Variants in ERBB4 observed in about 807,000 individuals in gnomAD.
ERBB4 encodes erb-b2 receptor tyrosine kinase 4.
ERBB4 carries 42 observed loss-of-function variants against 158.0 expected under a neutral mutation model. The observed-to-expected ratio is 0.27, with a 90% CI of 0.21 to 0.34. The LOEUF (loss-of-function observed/expected upper bound fraction) is 0.34, where lower values mean the gene tolerates loss of function less well. ERBB4 is among the 10% of genes least tolerant of loss of function. The pLI is 1.00. For missense variants in ERBB4, 1,333 were observed against 1,624.1 expected (o/e 0.82, Z 3.08); for synonymous variants, 583 against 558.7 (o/e 1.04, Z -0.61).
At chr2:212,521,845 A>T (rs1692188341) in intron 1 of ERBB4, among the ~76,000 whole-genome samples, 1 of 151,962 alleles carries the variant, frequency 6.6e-6, no homozygotes, top group Non-Finnish European at 1.5e-5. Context: ...ACTTCGCATG[A>T]TCAATTCCAA....
At chr2:211,612,144 TAAAG>T (rs2069224017) in intron 19 of ERBB4, among the ~76,000 whole-genome samples, 1 of 151,936 alleles carries the variant, frequency 6.6e-6, no homozygotes, top group Non-Finnish European at 1.5e-5. Flanking sequence ...ATATGCTAAA[TAAAG>T]ATAGAACAAT....
At chr2:211,477,963 G>T (rs910104792) in intron 20 of ERBB4, among the ~76,000 whole-genome samples, 1 of 152,076 alleles carries the variant, frequency 6.6e-6, no homozygotes, top group Non-Finnish European at 1.5e-5. Context: ...CACCATTGGT[G>T]GCTTAAAAGT....
rs543297824 is a variant in ERBB4, at chr2:212,482,934, T to C, written c.82+55515A>G. On this transcript the variant is annotated intron_variant, in intron 1 of 27. Coordinates refer to ENST00000342788, the MANE Select transcript of ERBB4 (RefSeq NM_005235.3). ...ACTGTGCCCACTCCCTTGTTATTTT[T>C]TGACAACTTAAAAATTTGATTAGGA... Among the ~76,000 whole-genome samples, 46 of 152,308 alleles carry C rather than the reference T, an allele frequency of 3.0e-4. 1 individual carries two copies. In the South Asian group the frequency reaches 8.9e-3, roughly 30 times the overall value.
At chr2:211,786,071 T>C (rs953180449) in intron 4 of ERBB4, among the ~76,000 whole-genome samples, 1 of 152,140 alleles carries the variant, frequency 6.6e-6, no homozygotes, top group Non-Finnish European at 1.5e-5. Context: ...ATAATAAATA[T>C]GTAAAATCAA....
Position 211,812,636 on chromosome 2 carries a change from C to T in ERBB4, c.422-24477G>A, listed in dbSNP as rs560430426. Among the ~76,000 whole-genome samples the T allele has an allele frequency of 4.1e-4, 62 of 152,358 alleles. 1 individual carries two copies. Among genetic ancestry groups the T allele is most frequent in the African/African-American group, 1.4e-3 (59 of 41,592 alleles). On this transcript the variant is annotated intron_variant, in intron 3 of 27. Transcript: ENST00000342788. ...CTGCTGCCTTTTGTCCAGCTATGCC[C>T]TGCCCCCAGAGGTGGAGTCATACAG... is the stretch of plus-strand genomic sequence containing the variant.
At chr2:212,219,955 CAA>C (rs11387376) in intron 1 of ERBB4, among the ~76,000 whole-genome samples, 10 of 138,772 alleles carry the variant, frequency 7.2e-5, no homozygotes, top group Middle Eastern at 3.7e-3. Context: ...TATCAACCCG[CAA>C]AAAAAAAAAA....
chr2:211,888,618 T>C (rs1215795122), intron 3 of ERBB4, among the ~76,000 whole-genome samples: 2 of 152,190 alleles, frequency 1.3e-5, no homozygotes, highest in East Asian at 1.9e-4. Context: ...GGGTGATTTC[T>C]GCATTTCCAT....
intron 3 of ERBB4, among the ~76,000 whole-genome samples, chr2:211,803,242 T>G (rs941729165): frequency 6.6e-6 from 1 of 152,162 alleles, no homozygotes; most frequent in African/African-American, 2.4e-5. Flanking sequence ...CCAAGCAACA[T>G]TATTATTCAT....
At chr2:212,422,341 C>T (rs1046399858) in intron 1 of ERBB4, among the ~76,000 whole-genome samples, 2 of 152,034 alleles carry the variant, frequency 1.3e-5, no homozygotes, top group Non-Finnish European at 2.9e-5. Context: ...CCTGTCTCTA[C>T]TAAAAATACA....
chr2:211,610,461 A>G (rs1038264488), intron 19 of ERBB4, among the ~76,000 whole-genome samples: 11 of 152,006 alleles, frequency 7.2e-5, no homozygotes, highest in African/African-American at 2.4e-4. Context: ...TGGAAATTCT[A>G]TTTTCTGGTG....
chr2:211,431,166 A>G (rs2125431157), intron 20 of ERBB4, 66 bp from the exon 21 acceptor site: 1 of 1,471,158 alleles, frequency 6.8e-7, no homozygotes, highest in Non-Finnish European at 9.4e-7. Flanking sequence ...TTTCTAAAAC[A>G]AAGTTTCTTA....
At chr2:211,629,746 A>G (rs1359523798) in intron 17 of ERBB4, among the ~76,000 whole-genome samples, 1 of 151,972 alleles carries the variant, frequency 6.6e-6, no homozygotes, top group Non-Finnish European at 1.5e-5. Flanking sequence ...AATGCCGCCT[A>G]TCTACAACTA....
intron 2 of ERBB4, among the ~76,000 whole-genome samples, chr2:212,028,631 A>G (rs1365038919): frequency 6.6e-6 from 1 of 152,116 alleles, no homozygotes; most frequent in Non-Finnish European, 1.5e-5. Context: ...CACGCAGGCA[A>G]AACATTAATC....
At chr2:211,859,144 A>G (rs2077950839) in intron 3 of ERBB4, among the ~76,000 whole-genome samples, 1 of 152,234 alleles carries the variant, frequency 6.6e-6, no homozygotes. Context: ...CTTCCCAGAC[A>G]TATTACTAAA....
intron 20 of ERBB4, among the ~76,000 whole-genome samples, chr2:211,484,755 A>G (rs575321109): frequency 3.9e-5 from 6 of 152,338 alleles, no homozygotes; most frequent in African/African-American, 1.4e-4. Context: ...ATGTAATTAT[A>G]GTTGGAGATT....
chr2:211,948,642 A>T (rs1187516738), intron 2 of ERBB4, among the ~76,000 whole-genome samples: 1 of 152,012 alleles, frequency 6.6e-6, no homozygotes, highest in Non-Finnish European at 1.5e-5. Flanking sequence ...AAATGATGAT[A>T]AATAGTTGTC....
chr2:212,019,522 G>C (rs1268894449), intron 2 of ERBB4, among the ~76,000 whole-genome samples: 2 of 152,012 alleles, frequency 1.3e-5, no homozygotes, highest in African/African-American at 4.8e-5. Context: ...TAGCACTTTG[G>C]GAGGCCAAGA....
intron 19 of ERBB4, among the ~76,000 whole-genome samples, chr2:211,617,293 C>G (rs2069427195): frequency 6.6e-6 from 1 of 152,238 alleles, no homozygotes; most frequent in South Asian, 2.1e-4. Flanking sequence ...TTAACCTATA[C>G]TGTTTCTACT....
intron 17 of ERBB4, among the ~76,000 whole-genome samples, chr2:211,629,086 A>C (rs560687484): frequency 6.6e-6 from 1 of 152,088 alleles, no homozygotes; most frequent in South Asian, 2.1e-4. Context: ...TTGTCAGATG[A>C]GTAGATTGTA....
Sources: gnomAD v4.1 joint callset for allele counts (sites outside exome capture counted in the v4.1 genomes callset) on GRCh38, gnomAD v4.1.1 for gene constraint, MANE v1.5 for transcripts, NCBI Gene and HGNC (gene_info 2026-07-23, HGNC 2026-07-21) for gene names.